TBX18: variants seen among roughly 807,000 people sequenced by gnomAD.
TBX18 encodes T-box transcription factor TBX18.
A neutral mutation model predicts 55.0 loss-of-function variants in TBX18; 21 were observed. The observed-to-expected ratio is 0.38, with a 90% CI of 0.27 to 0.55. The LOEUF is 0.55. TBX18 is among the 20% of genes least tolerant of loss of function. TBX18 has a pLI of 0.73. For synonymous variants in TBX18, 342 were observed against 326.1 expected (o/e 1.05, Z -0.53); for missense variants, 840 against 799.6 (o/e 1.05, Z -0.61).
At chr6:84,743,280 A>G (rs561569343) in intron 6 of TBX18, among the ~76,000 whole-genome samples, 3 of 152,318 alleles carry the variant, frequency 2.0e-5, no homozygotes, top group African/African-American at 4.8e-5. Flanking sequence ...TCTCTGCAAG[A>G]ACTTGAGTGT....
At chr6:84,763,478 G>C (rs1196990101) in intron 1 of TBX18, 2 of 471,626 alleles carry the variant, frequency 4.2e-6, no homozygotes, top group Non-Finnish European at 8.4e-6. Context: ...TTGCACAAAC[G>C]GTTTAGGGCA....
intron 7 of TBX18, 104 bp from the exon 8 acceptor site, chr6:84,737,513 G>T: frequency 7.7e-7 from 1 of 1,299,038 alleles, no homozygotes; most frequent in Non-Finnish European, 1.0e-6. Flanking sequence ...AAGGGTTGGA[G>T]GAATGCTACA....
intron 1 of TBX18, chr6:84,763,070 C>CCGGGGTCTGGGACGCTTGCCCGA (rs1425887262): frequency 1.1e-5 from 5 of 458,752 alleles, no homozygotes; most frequent in Middle Eastern, 6.0e-4. Flanking sequence ...CACGCCGCCG[C>CCGGGGTCTGGGACGCTTGCCCGA]CGGGGTCTGG....
chr6:84,749,353 T>C (rs903373854), intron 4 of TBX18, among the ~76,000 whole-genome samples: 1 of 152,224 alleles, frequency 6.6e-6, no homozygotes, highest in Admixed American at 6.5e-5. Flanking sequence ...GTTTATGATG[T>C]GGGCAGTTTA....
At chr6:84,740,179 T>C (rs978256062) in intron 6 of TBX18, among the ~76,000 whole-genome samples, 3 of 152,178 alleles carry the variant, frequency 2.0e-5, no homozygotes, top group Non-Finnish European at 4.4e-5. Context: ...AGAGGGGACC[T>C]GCACCTGCTC....
Position 84,732,916 on chromosome 6 carries a change from T to C in TBX18, c.*3769A>G, listed in dbSNP as rs1470073490. 7 of 152,046 alleles carry C rather than the reference T, an allele frequency of 4.6e-5. No individual in the cohort carries two copies. The highest frequency in any genetic ancestry group is 6.6e-5 in the Admixed American group (1 of 15,254). 9.4% of individuals were successfully genotyped at this position (152,046 alleles called of 1,614,324 possible). ...TTCCCAATATTAAGCTAAATATTTA[T>C]ATAATAGGACCATATGAATTGGAAA... On this transcript the variant is annotated 3_prime_UTR_variant, in exon 8 of 8. Coordinates refer to ENST00000369663, the MANE Select transcript of TBX18 (RefSeq NM_001080508.3).
chr6:84,741,589 G>T (rs1436898047), intron 6 of TBX18: 1 of 152,116 alleles, frequency 6.6e-6, no homozygotes, highest in African/African-American at 2.4e-5. Context: ...AAGGCAAATT[G>T]TTTCATAAAG....
chr6:84,754,746 A>T (rs1487988830), intron 4 of TBX18, among the ~76,000 whole-genome samples: 1 of 152,240 alleles, frequency 6.6e-6, no homozygotes, highest in Admixed American at 6.5e-5. Flanking sequence ...AGATGAGATC[A>T]ACATTTATAT....
chr6:84,763,142 C>A, intron 1 of TBX18: 1 of 376,540 alleles, frequency 2.7e-6, no homozygotes, highest in Non-Finnish European at 5.0e-6. Context: ...CAAACTCCGA[C>A]GCAACCTGCG....
At chr6:84,746,686 T>TAA (rs1767203526) in intron 5 of TBX18, among the ~76,000 whole-genome samples, 1 of 148,234 alleles carries the variant, frequency 6.7e-6, no homozygotes, top group Non-Finnish European at 1.5e-5. Context: ...ATGTTATATA[T>TAA]AATACGTTAA....
In TBX18 at chr6:84,762,971, C is replaced by T. The variant is rs1207918979; in HGVS notation, c.293-223G>A. ...AGCTCCAGTGTGGCCTGCTTGGTCCCCAAGTCCCAAGCCCGGGAGAGGCGC... is the reference window on the plus strand; with the variant it reads ...AGCTCCAGTGTGGCCTGCTTGGTCCTCAAGTCCCAAGCCCGGGAGAGGCGC... On this transcript the variant is annotated intron_variant, in intron 1 of 7. Transcript: ENST00000369663. 7 of 591,934 alleles carry T rather than the reference C, an allele frequency of 1.2e-5. No homozygotes were observed. The Admixed American group carries it at 1.9e-4, about 16-fold the overall frequency. 36.7% of individuals were successfully genotyped at this position (591,934 alleles called of 1,614,324 possible).
chr6:84,761,296 A>G (rs993210515), intron 2 of TBX18, among the ~76,000 whole-genome samples: 6 of 152,188 alleles, frequency 3.9e-5, no homozygotes, highest in African/African-American at 1.4e-4. Context: ...ATTTTTTTCT[A>G]TAACAAAAAT....
Position 84,760,406 on chromosome 6 carries a change from T to A in TBX18, c.498-50A>T, listed in dbSNP as rs78065813. 147,415 of 1,315,732 alleles carry A rather than the reference T, an allele frequency of 0.11. 9,040 individuals carry two copies. The highest frequency in any genetic ancestry group is 0.14 in the African/African-American group (9,395 of 68,130). The allele number at this position is 1,315,732 out of a possible 1,614,324, so 81.5% of individuals were successfully genotyped here. A position where few individuals can be genotyped will look rare whatever the true frequency, so the allele number is the denominator to read the frequency against. On this transcript the variant is annotated intron_variant, in intron 2 of 7. Transcript: ENST00000369663. ...AGGGTTTGGGGTTTTTGTTTGTGAC[T>A]AAGGATGGAGCGTGAATAAGCAAAG... is the stretch of plus-strand genomic sequence containing the variant.
chr6:84,744,786 C>T (rs995747518), intron 5 of TBX18, among the ~76,000 whole-genome samples: 1 of 152,118 alleles, frequency 6.6e-6, no homozygotes, highest in East Asian at 1.9e-4. Context: ...TCCTACAGAG[C>T]TTTCTCTTCT....
At position 84,734,251 on chromosome 6, in the gene TBX18, C is replaced by T. The variant is rs1362423830; in HGVS notation, c.*2434G>A. 1 of 152,114 alleles carries T rather than the reference C, an allele frequency of 6.6e-6. No homozygotes were observed. The highest frequency in any genetic ancestry group is 1.5e-5 in the Non-Finnish European group (1 of 68,028). The allele number at this position is 152,114 out of a possible 1,614,324, so 9.4% of individuals were successfully genotyped here. A position where few individuals can be genotyped will look rare whatever the true frequency, so the allele number is the denominator to read the frequency against. On this transcript the variant is annotated 3_prime_UTR_variant, in exon 8 of 8. Coordinates refer to ENST00000369663, the MANE Select transcript of TBX18 (RefSeq NM_001080508.3). ...TTCATGTGTTCAACATTTGTCAGGG[C>T]CTTCACCTTCAATGACATGGTCAAC...
In TBX18 at chr6:84,734,780, C is replaced by T. The variant is rs1246439749; in HGVS notation, c.*1905G>A. 6.6e-6 allele frequency: 1 copy of T among 152,210 alleles called. No homozygotes were observed. The highest frequency in any genetic ancestry group is 1.5e-5 in the Non-Finnish European group (1 of 68,016). The allele number at this position is 152,210 out of a possible 1,614,324, so 9.4% of individuals were successfully genotyped here. ...AAACTCTCTGTTCTTGAATTATACA[C>T]CAAGCACTATTGGCTGAGATGGACT... On this transcript the variant is annotated 3_prime_UTR_variant, in exon 8 of 8. Coordinates refer to ENST00000369663, the MANE Select transcript of TBX18 (RefSeq NM_001080508.3).
intron 6 of TBX18, among the ~76,000 whole-genome samples, chr6:84,739,599 T>C (rs1315510952): frequency 2.6e-5 from 4 of 152,152 alleles, no homozygotes; most frequent in Admixed American, 2.6e-4. Context: ...ACACTTTTAA[T>C]GAAACCTGTA....
At position 84,733,597 on chromosome 6, in the gene TBX18, G is replaced by A. The variant is rs889671301; in HGVS notation, c.*3088C>T. 2 of 152,042 alleles carry A rather than the reference G, an allele frequency of 1.3e-5. No individual in the cohort carries two copies. The highest frequency in any genetic ancestry group is 4.8e-5 in the African/African-American group (2 of 41,388). 9.4% of individuals were successfully genotyped at this position (152,042 alleles called of 1,614,324 possible). Reference sequence around the variant, plus strand: ...TAATGCTCTGCACCAGGACTTCATGGGACACTGCAGAGTTTAGTTAGGGAT... The same window carrying A: ...TAATGCTCTGCACCAGGACTTCATGAGACACTGCAGAGTTTAGTTAGGGAT... On this transcript the variant is annotated 3_prime_UTR_variant, in exon 8 of 8. Coordinates refer to ENST00000369663, the MANE Select transcript of TBX18 (RefSeq NM_001080508.3).
intron 4 of TBX18, among the ~76,000 whole-genome samples, chr6:84,752,911 T>C (rs1387977992): frequency 6.6e-6 from 1 of 152,186 alleles, no homozygotes; most frequent in African/African-American, 2.4e-5. Flanking sequence ...CACCACTACC[T>C]GCTAAATGTC....
Sources: allele counts gnomAD v4.1 joint callset (sites outside exome capture counted in the v4.1 genomes callset), GRCh38; gene constraint gnomAD v4.1.1; transcripts MANE v1.5; gene names NCBI Gene and HGNC (gene_info 2026-07-23, HGNC 2026-07-21).